Variants in EPB41L5 observed in about 807,000 individuals in gnomAD.
EPB41L5 encodes erythrocyte membrane protein band 4.1 like 5, also known as band 4.1-like protein 5.
EPB41L5 carries 55 observed loss-of-function variants against 106.6 expected under a neutral mutation model. The ratio of observed to expected loss-of-function variants is 0.52; its 90% CI spans 0.42 to 0.65. The LOEUF (loss-of-function observed/expected upper bound fraction) is 0.65. Among genes scored for constraint, EPB41L5 ranks in the 30% least tolerant of loss-of-function variants. EPB41L5 has a pLI of 0.00. For synonymous variants in EPB41L5, 297 were observed against 306.7 expected (o/e 0.97, Z 0.33); for missense variants, 871 against 882.1 (o/e 0.99, Z 0.16).
At chr2:120,077,378 G>A in intron 9 of EPB41L5, 62 bp downstream of exon 9, 2 of 1,451,204 alleles carry the variant, frequency 1.4e-6, no homozygotes. Context: ...CAGTGACTGT[G>A]GAATTTTTCA....
chr2:120,072,185 G>A (rs1314780386), intron 3 of EPB41L5, among the ~76,000 whole-genome samples: 1 of 152,156 alleles, frequency 6.6e-6, no homozygotes, highest in Admixed American at 6.5e-5. Flanking sequence ...ATGAAAAAAA[G>A]CGCATCATCA....
intron 1 of EPB41L5, among the ~76,000 whole-genome samples, chr2:120,015,765 A>G (rs559377716): frequency 6.6e-6 from 1 of 152,042 alleles, no homozygotes; most frequent in South Asian, 2.1e-4. Context: ...GCTAAGTAGC[A>G]AGACCCTGTC....
At chr2:120,164,139 C>T (rs997384524) in intron 21 of EPB41L5, among the ~76,000 whole-genome samples, 2 of 151,716 alleles carry the variant, frequency 1.3e-5, no homozygotes, top group South Asian at 2.1e-4. Context: ...CCCGCAACCA[C>T]GCCCAGCTAA....
chr2:120,132,121 T>C (rs925301803), intron 18 of EPB41L5, among the ~76,000 whole-genome samples: 1 of 152,174 alleles, frequency 6.6e-6, no homozygotes, highest in African/African-American at 2.4e-5. Flanking sequence ...ATCATTCCTT[T>C]CTCTCCCCTG....
chr2:120,150,888 A>G (rs916509953), intron 20 of EPB41L5, among the ~76,000 whole-genome samples: 1 of 152,100 alleles, frequency 6.6e-6, no homozygotes, highest in African/African-American at 2.4e-5. Flanking sequence ...TAATTTATCT[A>G]CTTTTCTTAG....
intron 21 of EPB41L5, among the ~76,000 whole-genome samples, chr2:120,164,189 A>G (rs1216270519): frequency 5.3e-5 from 8 of 151,586 alleles, no homozygotes; most frequent in Non-Finnish European, 1.2e-4. Flanking sequence ...TCACCGTGTT[A>G]GCCAGGAGTG....
intron 3 of EPB41L5, among the ~76,000 whole-genome samples, chr2:120,063,260 T>A (rs1200165173): frequency 1.3e-5 from 2 of 150,202 alleles, no homozygotes; most frequent in Non-Finnish European, 3.0e-5. Flanking sequence ...GAGAATTGCT[T>A]GAACTAGGGA....
At chr2:120,059,340 A>G (rs1265078051) in intron 3 of EPB41L5, among the ~76,000 whole-genome samples, 1 of 152,214 alleles carries the variant, frequency 6.6e-6, no homozygotes, top group Non-Finnish European at 1.5e-5. Flanking sequence ...CAAAATGGAT[A>G]ATGAGCCTGA....
chr2:120,135,161 G>A (rs938096736), intron 18 of EPB41L5, among the ~76,000 whole-genome samples: 11 of 152,112 alleles, frequency 7.2e-5, no homozygotes, highest in East Asian at 1.9e-4. Context: ...TTCAATTGAC[G>A]TAATGAAGAA....
chr2:120,016,251 G>A (rs1677519583), intron 1 of EPB41L5, among the ~76,000 whole-genome samples: 1 of 152,110 alleles, frequency 6.6e-6, no homozygotes, highest in South Asian at 2.1e-4. Context: ...CCAACATGGT[G>A]AAACCCAGTA....
At chr2:120,163,791 A>AT (rs1687252117) in intron 21 of EPB41L5, among the ~76,000 whole-genome samples, 2 of 151,178 alleles carry the variant, frequency 1.3e-5, no homozygotes, top group African/African-American at 4.8e-5. Flanking sequence ...CCCTGTCTCT[A>AT]TAAAAAAAAA....
At chr2:120,090,041 T>C (rs974847493) in intron 11 of EPB41L5, among the ~76,000 whole-genome samples, 1 of 152,044 alleles carries the variant, frequency 6.6e-6, no homozygotes, top group African/African-American at 2.4e-5. Flanking sequence ...AGATCTGATA[T>C]GATTCCTCAA....
chr2:120,119,024 C>A (rs1685084566), intron 16 of EPB41L5, among the ~76,000 whole-genome samples: 1 of 152,138 alleles, frequency 6.6e-6, no homozygotes, highest in Admixed American at 6.5e-5. Context: ...TAATAATAGC[C>A]TTTCTCCATG....
intron 17 of EPB41L5, among the ~76,000 whole-genome samples, chr2:120,129,484 A>AC (rs1261572684): frequency 6.6e-6 from 1 of 152,238 alleles, no homozygotes; most frequent in Non-Finnish European, 1.5e-5. Flanking sequence ...CAGGGTTAAA[A>AC]ATAAAAACAG....
chr2:120,120,779 A>G lies in EPB41L5; in HGVS notation c.1338-6909A>G, dbSNP rs567618255. 1.2e-4 allele frequency among the ~76,000 whole-genome samples: 18 copies of G among 152,300 alleles called. No individual in the cohort carries two copies. In the East Asian group the frequency reaches 3.5e-3, roughly 29 times the overall value. ...TTTGAAAAACTGCAAGGGAAATGGG[A>G]AAGAGACTGTTCCAGCTTTTTCTTC... On this transcript the variant is annotated intron_variant, in intron 16 of 24. Coordinates refer to ENST00000263713, the MANE Select transcript of EPB41L5 (RefSeq NM_020909.4).
intron 1 of EPB41L5, 74 bp from the exon 2 acceptor site, chr2:120,019,003 C>G (rs17669075): frequency 0.061 from 77,436 of 1,278,492 alleles, 2,822 homozygotes; most frequent in Non-Finnish European, 0.071. Context: ...CTAAATAATG[C>G]CATTTGACTG....
intron 3 of EPB41L5, among the ~76,000 whole-genome samples, chr2:120,059,554 G>T (rs1452221391): frequency 1.3e-5 from 2 of 152,150 alleles, no homozygotes; most frequent in East Asian, 3.8e-4. Context: ...GCTACAGACT[G>T]GGAGAAAGTA....
chr2:120,113,828 T>C (rs1329003930), intron 16 of EPB41L5, among the ~76,000 whole-genome samples: 2 of 152,240 alleles, frequency 1.3e-5, no homozygotes, highest in Non-Finnish European at 2.9e-5. Flanking sequence ...TGTTTTAGCA[T>C]GTATTAGTAC....
At chr2:120,048,692 A>T (rs1680001728) in intron 3 of EPB41L5, among the ~76,000 whole-genome samples, 1 of 152,012 alleles carries the variant, frequency 6.6e-6, no homozygotes, top group Admixed American at 6.5e-5. Flanking sequence ...GCCTTCTGCT[A>T]GCTTTTTAAT....
Sources: gnomAD v4.1 joint callset for allele counts (sites outside exome capture counted in the v4.1 genomes callset) on GRCh38, gnomAD v4.1.1 for gene constraint, MANE v1.5 for transcripts, NCBI Gene and HGNC (gene_info 2026-07-23, HGNC 2026-07-21) for gene names.